The following SCGN variants were observed in gnomAD, a reference collection of about 807,000 sequenced individuals.
The protein encoded by SCGN is secretagogin, EF-hand calcium binding protein.
A neutral mutation model predicts 39.7 loss-of-function variants in SCGN; 30 were observed. The ratio of observed to expected loss-of-function variants is 0.76; its 90% CI spans 0.57 to 1.03. The LOEUF is 1.03. Among genes scored for constraint, SCGN ranks in the 50% least tolerant of loss-of-function variants. The pLI is 0.00. For missense variants in SCGN, 353 were observed against 349.4 expected (o/e 1.01, Z -0.08); for synonymous variants, 106 against 114.1 (o/e 0.93, Z 0.45).
chr6:25,655,128 G>A (rs1760205044), intron 2 of SCGN, among the ~76,000 whole-genome samples: 1 of 152,208 alleles, frequency 6.6e-6, no homozygotes, highest in Non-Finnish European at 1.5e-5. Flanking sequence ...ATGGACATGG[G>A]TATTTGAGGA....
At chr6:25,666,875 T>C (rs1291317465) in intron 4 of SCGN, among the ~76,000 whole-genome samples, 2 of 152,170 alleles carry the variant, frequency 1.3e-5, no homozygotes, top group African/African-American at 2.4e-5. Flanking sequence ...CTGTATAAAG[T>C]CATAATTATT....
rs796479403 is a variant in SCGN, at chr6:25,691,514, A to AT, written c.702+400dup. On this transcript the variant is annotated intron_variant, in intron 10 of 10. Transcript: ENST00000377961. ...TAATAAAACTTATCTTCAGAATTCT[A>AT]TTTTTTTTTTAACTAAGAGGCTTCT... Among the ~76,000 whole-genome samples, 119 of 149,334 alleles carry AT rather than the reference A, an allele frequency of 8.0e-4. 1 individual carries two copies. The highest frequency in any genetic ancestry group is 6.6e-3 in the South Asian group (31 of 4,694).
At chr6:25,700,511 G>A (rs544702618) in intron 10 of SCGN, among the ~76,000 whole-genome samples, 1 of 152,266 alleles carries the variant, frequency 6.6e-6, no homozygotes, top group East Asian at 1.9e-4. Context: ...CAGCTTGGCA[G>A]GAAGCTTAAG....
chr6:25,685,131 C>T lies in SCGN; in HGVS notation c.527+3125C>T, dbSNP rs180996951. Among the ~76,000 whole-genome samples the T allele has an allele frequency of 5.8e-3, 881 of 152,220 alleles. 4 individuals carry two copies. The highest frequency in any genetic ancestry group is 0.024 in the Middle Eastern group (7 of 294). On this transcript the variant is annotated intron_variant, in intron 7 of 10. Coordinates refer to ENST00000377961, the MANE Select transcript of SCGN (RefSeq NM_006998.4). The stretch of plus-strand genomic sequence containing the variant: ...AAAAGGCAAGGGAAAGGATTCTCCC[C>T]GAGAACCTCCAGAAGGAATGAGGCC...
chr6:25,661,092 T>C (rs1215464415), intron 2 of SCGN, among the ~76,000 whole-genome samples: 1 of 152,152 alleles, frequency 6.6e-6, no homozygotes, highest in East Asian at 1.9e-4. Context: ...TCTCATTATG[T>C]TTTTTTCCTC....
At chr6:25,696,027 C>G (rs1449774295) in intron 10 of SCGN, among the ~76,000 whole-genome samples, 2 of 152,154 alleles carry the variant, frequency 1.3e-5, no homozygotes, top group African/African-American at 4.8e-5. Flanking sequence ...ACAGTCCTCC[C>G]TAAAGTTCTT....
intron 7 of SCGN, 36 bp from the exon 8 acceptor site, chr6:25,689,136 C>T (rs1759742521): frequency 1.4e-6 from 2 of 1,453,416 alleles, no homozygotes; most frequent in Middle Eastern, 1.8e-4. Context: ...GAGAGCTGAA[C>T]GATCCTTACG....
At chr6:25,664,529 A>G (rs1760395081) in intron 3 of SCGN, among the ~76,000 whole-genome samples, 1 of 152,234 alleles carries the variant, frequency 6.6e-6, no homozygotes, top group South Asian at 2.1e-4. Context: ...ATACACAAGC[A>G]TTTAGAATAA....
chr6:25,689,674 C>T, intron 9 of SCGN, 142 bp downstream of exon 9: 1 of 672,602 alleles, frequency 1.5e-6, no homozygotes, highest in Non-Finnish European at 2.6e-6. Context: ...TCAAGGTACT[C>T]TCAACTCCTC....
intron 2 of SCGN, among the ~76,000 whole-genome samples, chr6:25,654,043 C>T (rs1187608806): frequency 6.6e-6 from 1 of 152,134 alleles, no homozygotes; most frequent in Non-Finnish European, 1.5e-5. Context: ...TAAATGAACT[C>T]TTGAAAGTCT....
chr6:25,654,733 A>T (rs1016305663), intron 2 of SCGN, among the ~76,000 whole-genome samples: 1 of 148,828 alleles, frequency 6.7e-6, no homozygotes, highest in African/African-American at 2.5e-5. Flanking sequence ...TTTTCTCCAC[A>T]TTTTCTCCTT....
chr6:25,697,628 A>G (rs991066679), intron 10 of SCGN, among the ~76,000 whole-genome samples: 5 of 152,254 alleles, frequency 3.3e-5, no homozygotes, highest in African/African-American at 4.8e-5. Context: ...GAGGATAGTC[A>G]TTCACTAATT....
intron 2 of SCGN, among the ~76,000 whole-genome samples, chr6:25,659,847 T>C (rs1166919968): frequency 6.6e-6 from 1 of 152,210 alleles, no homozygotes; most frequent in Non-Finnish European, 1.5e-5. Flanking sequence ...GCATGGGTTG[T>C]TCTGGCAAGT....
chr6:25,674,142 G>A (rs1422907406), intron 6 of SCGN, among the ~76,000 whole-genome samples: 1 of 152,068 alleles, frequency 6.6e-6, no homozygotes, highest in African/African-American at 2.4e-5. Context: ...TCCAACACTG[G>A]GCATTACATT....
chr6:25,680,122 A>T (rs1478351426), intron 6 of SCGN, among the ~76,000 whole-genome samples: 1 of 152,224 alleles, frequency 6.6e-6, no homozygotes, highest in South Asian at 2.1e-4. Flanking sequence ...GAGCCCTCAT[A>T]AATGGTCTTT....
At chr6:25,682,387 G>A (rs192728075) in intron 7 of SCGN, among the ~76,000 whole-genome samples, 1 of 5,760 alleles carries the variant, frequency 1.7e-4, no homozygotes, top group Admixed American at 1.4e-3. Flanking sequence ...CTACTCAGCC[G>A]ACTCCAGGTG....
At chr6:25,689,565 C>T (rs1031098312) in intron 9 of SCGN, 33 bp downstream of exon 9, 2 of 1,586,336 alleles carry the variant, frequency 1.3e-6, no homozygotes, top group Admixed American at 3.4e-5. Flanking sequence ...TGCTGGCCAT[C>T]TCTGAGTAGG....
At chr6:25,657,031 C>G (rs1760238335) in intron 2 of SCGN, among the ~76,000 whole-genome samples, 1 of 152,096 alleles carries the variant, frequency 6.6e-6, no homozygotes, top group Non-Finnish European at 1.5e-5. Context: ...AAGTTCGACC[C>G]TGTTGAGTGA....
Position 25,697,316 on chromosome 6 carries a change from G to T in SCGN, c.703-3891G>T, listed in dbSNP as rs142565431. Among the ~76,000 whole-genome samples the T allele has an allele frequency of 6.6e-4, 100 of 152,354 alleles. 2 individuals are homozygous for T. The East Asian group carries it at 0.017, about 26-fold the overall frequency. ...TGTGGCCAATAAATAGCAAACTGGAGACAGAAAACATGTTGTAATTTTGCA... is the reference window on the plus strand; with the variant it reads ...TGTGGCCAATAAATAGCAAACTGGATACAGAAAACATGTTGTAATTTTGCA... On this transcript the variant is annotated intron_variant, in intron 10 of 10. Coordinates refer to ENST00000377961, the MANE Select transcript of SCGN (RefSeq NM_006998.4).
Sources: allele counts gnomAD v4.1 joint callset (sites outside exome capture counted in the v4.1 genomes callset), GRCh38; gene constraint gnomAD v4.1.1; transcripts MANE v1.5; gene names NCBI Gene and HGNC (gene_info 2026-07-23, HGNC 2026-07-21).